SPHKAP: variants seen among roughly 807,000 people sequenced by gnomAD.
The protein encoded by SPHKAP is A-kinase anchor protein SPHKAP.
In SPHKAP, 67 loss-of-function variants were observed where a neutral mutation model predicts 137.5. That is an observed-to-expected ratio of 0.49 (90% confidence interval 0.40 to 0.60). SPHKAP has a LOEUF of 0.60. Ranked by LOEUF, SPHKAP falls within the 20% of genes least tolerant of loss-of-function variation. The pLI is 0.00. For missense variants in SPHKAP, 2,097 were observed against 2,069.3 expected (o/e 1.01, Z -0.26); for synonymous variants, 813 against 785.3 (o/e 1.04, Z -0.59).
intron 7 of SPHKAP, among the ~76,000 whole-genome samples, chr2:228,007,103 G>A (rs192047785): frequency 8.2e-4 from 125 of 152,250 alleles, no homozygotes; most frequent in African/African-American, 2.5e-3. Flanking sequence ...CTTCTGCATC[G>A]CTCACGCTGG....
intron 3 of SPHKAP, among the ~76,000 whole-genome samples, chr2:228,106,765 G>T (rs527786120): frequency 2.6e-5 from 4 of 152,026 alleles, no homozygotes; most frequent in Non-Finnish European, 4.4e-5. Context: ...TGCAACTCTG[G>T]ACATCAAAGT....
At chr2:228,113,614 TC>T (rs1363252810) in intron 2 of SPHKAP, among the ~76,000 whole-genome samples, 3 of 110,148 alleles carry the variant, frequency 2.7e-5, no homozygotes, top group Non-Finnish European at 6.3e-5. Context: ...TCTCTCTCTC[TC>T]TCTCTCTCTC....
chr2:228,143,156 A>G (rs1019132166), intron 1 of SPHKAP, among the ~76,000 whole-genome samples: 1 of 152,228 alleles, frequency 6.6e-6, no homozygotes, highest in African/African-American at 2.4e-5. Flanking sequence ...TGCCCTCAAA[A>G]ATGTCATGGG....
At chr2:228,111,365 A>G (rs2106350830) in intron 2 of SPHKAP, among the ~76,000 whole-genome samples, 1 of 152,260 alleles carries the variant, frequency 6.6e-6, no homozygotes, top group African/African-American at 2.4e-5. Context: ...GAGATGATAT[A>G]TGTGAAACAC....
chr2:227,992,512 T>C (rs562225396), intron 9 of SPHKAP, among the ~76,000 whole-genome samples: 1 of 152,230 alleles, frequency 6.6e-6, no homozygotes, highest in South Asian at 2.1e-4. Flanking sequence ...CAGAGAAAGT[T>C]GGGAAAAGTA....
At chr2:228,116,079 G>A (rs1698701263) in intron 2 of SPHKAP, among the ~76,000 whole-genome samples, 1 of 152,160 alleles carries the variant, frequency 6.6e-6, no homozygotes, top group African/African-American at 2.4e-5. Flanking sequence ...CCAGCCTCTA[G>A]AACTGTGAGC....
intron 2 of SPHKAP, among the ~76,000 whole-genome samples, chr2:228,110,387 A>G (rs1156659177): frequency 6.6e-6 from 1 of 152,148 alleles, no homozygotes. Context: ...ATAAATTTTC[A>G]TTAATAAATT....
At chr2:228,066,035 T>C (rs1696817886) in intron 3 of SPHKAP, among the ~76,000 whole-genome samples, 1 of 152,188 alleles carries the variant, frequency 6.6e-6, no homozygotes. Context: ...GCATCCTTTA[T>C]TCTGGGGGCA....
At chr2:228,165,119 ACT>A (rs1700385983) in intron 1 of SPHKAP, among the ~76,000 whole-genome samples, 1 of 151,886 alleles carries the variant, frequency 6.6e-6, no homozygotes, top group South Asian at 2.1e-4. Flanking sequence ...TTAGACCTTA[ACT>A]CTCTATAAAG....
At position 228,075,712 on chromosome 2, in the gene SPHKAP, C is replaced by A. The variant is rs182738137; in HGVS notation, c.246+33120G>T. On this transcript the variant is annotated intron_variant, in intron 3 of 11. Coordinates refer to ENST00000392056, the MANE Select transcript of SPHKAP (RefSeq NM_001142644.2). Reference sequence around the variant, plus strand: ...CTCTCATTCTCAGATGTAAGTCATGCGGAAATGCTGCAAAACATGTAATTT... The same window carrying A: ...CTCTCATTCTCAGATGTAAGTCATGAGGAAATGCTGCAAAACATGTAATTT... 7.9e-5 allele frequency among the ~76,000 whole-genome samples: 12 copies of A among 152,116 alleles called. No homozygotes were observed. In the South Asian group the frequency reaches 1.9e-3, roughly 24 times the overall value.
At position 227,991,039 on chromosome 2, in the gene SPHKAP, G is replaced by A; in HGVS notation, c.4920C>T (p.Thr1640=). ...TTTCCTGAGATTTCTTAAAGTAGATGGTGGGAATCCCCAGTTCAGAGGCAG... is the reference window on the plus strand; with the variant it reads ...TTTCCTGAGATTTCTTAAAGTAGATAGTGGGAATCCCCAGTTCAGAGGCAG... ...WIAASELGIP[T]IYFKKSQENR... is the part of the protein sequence containing the mutation. The change falls in exon 11 of 12, where the codon ACC becomes ACT. Residue 1640 remains threonine (T), a synonymous_variant. Coordinates refer to ENST00000392056, the MANE Select transcript of SPHKAP (RefSeq NM_001142644.2). 6.2e-7 allele frequency: 1 copy of A among 1,614,154 alleles called. No homozygotes were observed. Among genetic ancestry groups the A allele is most frequent in the Middle Eastern group, 1.6e-4 (1 of 6,062 alleles).
At chr2:228,098,305 A>G (rs1698062692) in intron 3 of SPHKAP, among the ~76,000 whole-genome samples, 1 of 152,140 alleles carries the variant, frequency 6.6e-6, no homozygotes, top group Non-Finnish European at 1.5e-5. Flanking sequence ...TCTGTTCCAC[A>G]TGCACACATA....
chr2:228,102,715 G>T (rs1259088111), intron 3 of SPHKAP, among the ~76,000 whole-genome samples: 1 of 151,900 alleles, frequency 6.6e-6, no homozygotes, highest in African/African-American at 2.4e-5. Flanking sequence ...CCTTCAAGTT[G>T]TTTACTAAAA....
chr2:228,154,510 C>CTATATA (rs1255951798), intron 1 of SPHKAP, among the ~76,000 whole-genome samples: 434 of 37,428 alleles, frequency 0.012, 4 homozygotes, highest in East Asian at 0.038. Flanking sequence ...CTCTCTCTCT[C>CTATATA]TCTATATATA....
At chr2:228,079,272 G>A (rs1471701000) in intron 3 of SPHKAP, among the ~76,000 whole-genome samples, 3 of 152,188 alleles carry the variant, frequency 2.0e-5, no homozygotes, top group African/African-American at 7.2e-5. Flanking sequence ...TGATCTGACA[G>A]GAGGCAGAGC....
chr2:228,043,821 A>G, intron 3 of SPHKAP, among the ~76,000 whole-genome samples: 1 of 152,174 alleles, frequency 6.6e-6, no homozygotes, highest in East Asian at 1.9e-4. Context: ...AGCTTCCATT[A>G]AAGACTTTTT....
intron 3 of SPHKAP, among the ~76,000 whole-genome samples, chr2:228,030,513 C>CAAAAAAAAAAAAAAAAAAACAAAA (rs1695255023): frequency 4.1e-5 from 2 of 48,776 alleles, no homozygotes; most frequent in Non-Finnish European, 8.0e-5. Context: ...GATACCATCT[C>CAAAAAAAAAAAAAAAAAAACAAAA]AAAAAAAAAA....
intron 1 of SPHKAP, among the ~76,000 whole-genome samples, chr2:228,147,332 A>T (rs753483757): frequency 6.6e-6 from 1 of 152,238 alleles, no homozygotes; most frequent in Non-Finnish European, 1.5e-5. Flanking sequence ...GAAATCATAC[A>T]TATAAACCGT....
chr2:228,117,012 G>T lies in SPHKAP; in HGVS notation c.139-8073C>A, dbSNP rs550564918. 1.6e-3 allele frequency among the ~76,000 whole-genome samples: 239 copies of T among 152,160 alleles called. 1 individual carries two copies. The highest frequency in any genetic ancestry group is 5.3e-3 in the African/African-American group (219 of 41,542). On this transcript the variant is annotated intron_variant, in intron 2 of 11. Transcript: ENST00000392056. ...TCAAGATATAACTGAAACTGAGCCT[G>T]TCCCAATATAAATATTTCTCTGTTC...
Sources: gnomAD v4.1 joint callset for allele counts (sites outside exome capture counted in the v4.1 genomes callset) on GRCh38, gnomAD v4.1.1 for gene constraint, MANE v1.5 for transcripts, NCBI Gene and HGNC (gene_info 2026-07-23, HGNC 2026-07-21) for gene names.